OSGEP: variants seen among roughly 807,000 people sequenced by gnomAD.
The protein encoded by OSGEP is tRNA N6-adenosine threonylcarbamoyltransferase.
In OSGEP, 39 loss-of-function variants were observed where a neutral mutation model predicts 44.1. The ratio of observed to expected loss-of-function variants is 0.88; its 90% CI spans 0.69 to 1.16. OSGEP has a LOEUF of 1.16. Ranked by LOEUF, OSGEP falls within the 50% of genes most tolerant of loss-of-function variation. OSGEP has a pLI of 0.00. For missense variants in OSGEP, 403 were observed against 443.1 expected (o/e 0.91, Z 0.81); for synonymous variants, 139 against 161.9 (o/e 0.86, Z 1.07).
Position 20,449,170 on chromosome 14 carries a change from C to T in OSGEP, c.507+1G>A, listed in dbSNP as rs763655799. 6.2e-7 allele frequency: 1 copy of T among 1,605,686 alleles called. No individual in the cohort carries two copies. Among genetic ancestry groups the T allele is most frequent in the East Asian group, 2.2e-5 (1 of 44,838 alleles). Reference sequence around the variant, plus strand: ...TGTTCTCTGCAGCCCCACTGGCTTACCTTCAGCACTCGAGCAAAACGATCC... The same window carrying T: ...TGTTCTCTGCAGCCCCACTGGCTTATCTTCAGCACTCGAGCAAAACGATCC... On this transcript the variant is annotated splice_donor_variant, in intron 4 of 10. Coordinates refer to ENST00000206542, the MANE Select transcript of OSGEP (RefSeq NM_017807.4). LOFTEE classifies it high-confidence loss of function.
intron 1 of OSGEP, 92 bp downstream of exon 1, chr14:20,454,477 G>T: frequency 1.1e-6 from 1 of 888,426 alleles, no homozygotes; most frequent in South Asian, 1.3e-5. Flanking sequence ...GACTCGGATC[G>T]AAAGCTGCAC....
At chr14:20,453,321 T>C (rs1198011582) in intron 1 of OSGEP, among the ~76,000 whole-genome samples, 5 of 152,140 alleles carry the variant, frequency 3.3e-5, no homozygotes, top group Non-Finnish European at 4.4e-5. Flanking sequence ...AGTAGCAAGA[T>C]ATAATAGCTT....
At chr14:20,447,732 T>C (rs1273783670) in intron 8 of OSGEP, 42 bp from the exon 9 acceptor site, 2 of 1,506,284 alleles carry the variant, frequency 1.3e-6, no homozygotes, top group Non-Finnish European at 1.8e-6. Context: ...GTTTTAGCCA[T>C]CTCTTCATGG....
In OSGEP at chr14:20,447,239, A is replaced by G; in HGVS notation, c.*1T>C. On this transcript the variant is annotated 3_prime_UTR_variant, in exon 11 of 11. Coordinates refer to ENST00000206542, the MANE Select transcript of OSGEP (RefSeq NM_017807.4). The stretch of plus-strand genomic sequence containing the variant: ...TATCTACTCTGATTCTGTTGATCTT[A>G]TTAGTCCCTCCAGGTCACCTCTACT... 1 of 1,613,554 alleles carries G rather than the reference A, an allele frequency of 6.2e-7. No homozygotes were observed. The highest frequency in any genetic ancestry group is 8.5e-7 in the Non-Finnish European group (1 of 1,179,436).
chr14:20,447,921 A>G lies in OSGEP; in HGVS notation c.776T>C (p.Ile259Thr), dbSNP rs757508925. 7.4e-6 allele frequency: 12 copies of G among 1,611,534 alleles called. No homozygotes were observed. The highest frequency in any genetic ancestry group is 3.4e-6 in the Non-Finnish European group (4 of 1,177,632). The stretch of plus-strand genomic sequence containing the variant: ...ATACATACACCCCACTCCTCCCACA[A>G]TGAGGGCCTCCTGGGAGCCACAATG... ...MAHCGSQEAL[I>T]VGGVGCNVRL... Residue 259 changes from isoleucine (I) to threonine (T), a missense_variant, in exon 8 of 11, where the codon ATT becomes ACT. Coordinates refer to ENST00000206542, the MANE Select transcript of OSGEP (RefSeq NM_017807.4).
At chr14:20,449,525 G>C (rs570477937) in intron 3 of OSGEP, 1 of 412,826 alleles carries the variant, frequency 2.4e-6, no homozygotes, top group Admixed American at 3.7e-5. Context: ...CAAATACATT[G>C]GTTTTCCGGC....
Position 20,452,385 on chromosome 14 carries a change from G to A in OSGEP, c.179C>T (p.Ala60Val), listed in dbSNP as rs751492085. The change falls in exon 2 of 11, where the codon GCA becomes GTA. Residue 60 changes from alanine (A) to valine (V), a missense_variant. Ala to Val is a moderately conservative substitution (Grantham distance 64). Transcript: ENST00000206542. ...GGAGGTTAATCCAGACTCTGTTAGT[G>A]CCTCCTGCAGCAGGTCTAGGATAAC... ...RAVILDLLQE[A>V]LTESGLTSQD... The A allele has an allele frequency of 7.4e-6, 12 of 1,613,754 alleles. No homozygotes were observed. In the South Asian group the frequency reaches 1.3e-4, roughly 18 times the overall value.
At position 20,447,950 on chromosome 14, in the gene OSGEP, C is replaced by T. The variant is rs776384882; in HGVS notation, c.747G>A (p.Met249Ile). The T allele has an allele frequency of 3.1e-6, 5 of 1,614,084 alleles. No individual in the cohort carries two copies. The highest frequency in any genetic ancestry group is 3.3e-5 in the Admixed American group (2 of 60,026). ...GGGCCTCCTGGGAGCCACAATGTGC[C>T]ATGGCTCGCTCTGTGATCTCTACCA... The part of the protein sequence containing the change: ...AMLVEITERA[M>I]AHCGSQEALI... The change falls in exon 8 of 11, where the codon ATG becomes ATA. Residue 249 changes from methionine (M) to isoleucine (I), a missense_variant. Transcript: ENST00000206542.
chr14:20,449,001 G>A lies in OSGEP; in HGVS notation c.520C>T (p.Pro174Ser). 1 of 1,613,968 alleles carries A rather than the reference G, an allele frequency of 6.2e-7. No homozygotes were observed. The stretch of plus-strand genomic sequence containing the variant: ...TGTTCAATGTTGTATCCTGGACTTG[G>A]GTCGTTAGAAATCTAGCAGAAGAAA... ...FARVLKISND[P>S]SPGYNIEQMA... The change falls in exon 5 of 11, where the codon CCA becomes TCA. Residue 174 changes from proline to serine, a missense_variant. By Grantham distance (74) the Pro-to-Ser change is moderately conservative (BLOSUM62 -1). Transcript: ENST00000206542.
chr14:20,447,878 G>A, intron 8 of OSGEP, 26 bp downstream of exon 8: 1 of 1,512,406 alleles, frequency 6.6e-7, no homozygotes, highest in Non-Finnish European at 9.2e-7. Flanking sequence ...GAATAGGAAA[G>A]AGGAACACTT....
At chr14:20,448,845 TAC>T (rs1491385074) in intron 5 of OSGEP, 34 bp from the exon 6 acceptor site, 6 of 1,592,528 alleles carry the variant, frequency 3.8e-6, no homozygotes, top group Non-Finnish European at 5.2e-6. Context: ...GCACTAAGCC[TAC>T]AGTCAGCTGG....
At chr14:20,448,861 C>G (rs770185112) in intron 5 of OSGEP, 50 bp from the exon 6 acceptor site, 1 of 1,589,122 alleles carries the variant, frequency 6.3e-7, no homozygotes, top group East Asian at 2.2e-5. Context: ...CAGCTGGCTT[C>G]TCACCCTCCA....
chr14:20,453,745 C>T (rs931129852), intron 1 of OSGEP, among the ~76,000 whole-genome samples: 1 of 152,104 alleles, frequency 6.6e-6, no homozygotes, highest in Admixed American at 6.6e-5. Flanking sequence ...AGACCAGGCC[C>T]GAGCGGTGGC....
chr14:20,450,063 A>C (rs1881056435), intron 3 of OSGEP: 1 of 148,556 alleles, frequency 6.7e-6, no homozygotes, highest in Non-Finnish European at 1.5e-5. Flanking sequence ...TTTTTTTCTG[A>C]GACAGAGTCT....
intron 3 of OSGEP, 190 bp downstream of exon 3, chr14:20,451,784 C>G (rs1471477767): frequency 4.2e-6 from 2 of 472,374 alleles, no homozygotes; most frequent in Non-Finnish European, 7.5e-6. Flanking sequence ...GATAAGCCAT[C>G]TAATGTTCTG....
rs144732839 is a variant in OSGEP, at chr14:20,447,645, C to G, written c.839G>C (p.Arg280Pro). Residue 280 changes from arginine to proline, a missense_variant, in exon 9 of 11, where the codon CGT (arginine) becomes CCT (proline). Arg to Pro is a moderately radical substitution (Grantham distance 103, BLOSUM62 -2). Coordinates refer to ENST00000206542, the MANE Select transcript of OSGEP (RefSeq NM_017807.4). Reference protein sequence around the residue: ...QEMMATMCQERGARLFATDER... With the variant: ...QEMMATMCQEPGARLFATDER... The stretch of plus-strand genomic sequence containing the variant: ...ATCTGTAGCAAAAAGCCGGGCTCCA[C>G]GTTCCTGGCACATTGTTGCCATCAT... 11 of 1,613,948 alleles carry G rather than the reference C, an allele frequency of 6.8e-6. No individual in the cohort carries two copies. Among genetic ancestry groups the G allele is most frequent in the East Asian group, 4.5e-5 (2 of 44,902 alleles).
At chr14:20,452,708 C>CTTTTTTTTTTTTTTTTTTT (rs59935464) in intron 1 of OSGEP, among the ~76,000 whole-genome samples, 2 of 135,316 alleles carry the variant, frequency 1.5e-5, no homozygotes, top group Non-Finnish European at 3.2e-5. Flanking sequence ...CTTTCGTGAT[C>CTTTTTTTTTTTTTTTTTTT]TTTTTTTTTT....
At chr14:20,453,035 T>C (rs1252286698) in intron 1 of OSGEP, among the ~76,000 whole-genome samples, 1 of 152,122 alleles carries the variant, frequency 6.6e-6, no homozygotes, top group Non-Finnish European at 1.5e-5. Context: ...TCTGTGACCC[T>C]ACAGAACTCT....
At chr14:20,448,665 G>T (rs958551907) in intron 6 of OSGEP, 68 bp downstream of exon 6, 19 of 1,108,062 alleles carry the variant, frequency 1.7e-5, no homozygotes, top group Middle Eastern at 2.0e-4. Flanking sequence ...AAATATAATC[G>T]TAAGTAAAAC....
Sources: allele counts gnomAD v4.1 joint callset (sites outside exome capture counted in the v4.1 genomes callset), GRCh38; gene constraint gnomAD v4.1.1; transcripts MANE v1.5; gene names NCBI Gene and HGNC (gene_info 2026-07-23, HGNC 2026-07-21).